DSCC1: variants seen among roughly 807,000 people sequenced by gnomAD.
DSCC1 encodes DNA replication and sister chromatid cohesion 1.
Under a neutral mutation model 48.2 loss-of-function variants are expected in DSCC1, and 32 were observed. The ratio of observed to expected loss-of-function variants is 0.66; its 90% CI spans 0.50 to 0.89. The LOEUF (loss-of-function observed/expected upper bound fraction) is 0.89. Ranked by LOEUF, DSCC1 falls within the 40% of genes least tolerant of loss-of-function variation. The probability of loss-of-function intolerance (pLI) is 0.00; values close to 1 mark genes in which losing one functional copy is unlikely to be tolerated. For synonymous variants in DSCC1, 150 were observed against 171.5 expected (o/e 0.87, Z 0.98); for missense variants, 421 against 471.7 (o/e 0.89, Z 1.00).
intron 8 of DSCC1, among the ~76,000 whole-genome samples, chr8:119,835,429 C>G (rs1340624977): frequency 6.6e-6 from 1 of 151,986 alleles, no homozygotes; most frequent in African/African-American, 2.4e-5. Context: ...ATTGCTTGAA[C>G]CCGGGAGGCA....
intron 2 of DSCC1, 148 bp downstream of exon 2, chr8:119,852,899 T>A (rs1826961101): frequency 4.7e-6 from 3 of 640,732 alleles, no homozygotes; most frequent in Non-Finnish European, 7.1e-6. Context: ...ATAATAATAA[T>A]AATGCTGAGA....
chr8:119,846,976 G>GT lies in DSCC1; in HGVS notation c.577+13dup, dbSNP rs1397145566. The GT allele has an allele frequency of 2.5e-6, 4 of 1,610,800 alleles. No individual in the cohort carries two copies. Among genetic ancestry groups the GT allele is most frequent in the Non-Finnish European group, 3.4e-6 (4 of 1,177,822 alleles). On this transcript the variant is annotated intron_variant, in intron 4 of 8. Transcript: ENST00000313655. ...CAATTTCATCATTGTTAAAATAGTA[G>GT]TAAGTAACGCTACCTCCAATCTTAC...
At chr8:119,846,345 G>A (rs1041828591) in intron 4 of DSCC1, among the ~76,000 whole-genome samples, 10 of 151,936 alleles carry the variant, frequency 6.6e-5, no homozygotes, top group Admixed American at 3.3e-4. Context: ...AACTCCTGAC[G>A]TCGTGATCGG....
intron 2 of DSCC1, 87 bp from the exon 3 acceptor site, chr8:119,850,603 A>G: frequency 8.2e-7 from 1 of 1,220,616 alleles, no homozygotes. Flanking sequence ...CTGCCCCCTC[A>G]ACAAGTACAA....
Position 119,834,861 on chromosome 8 carries a change from A to G in DSCC1, c.*32T>C. The G allele has an allele frequency of 7.0e-7, 1 of 1,429,130 alleles. No homozygotes were observed. The allele number at this position is 1,429,130 out of a possible 1,614,324, so 88.5% of individuals were successfully genotyped here. Reference sequence around the variant, plus strand: ...TTCTATCCAGCAACTTTATAAAGCAACTTGAGTCCTGAAGAAAAGACCGTT... The same window carrying G: ...TTCTATCCAGCAACTTTATAAAGCAGCTTGAGTCCTGAAGAAAAGACCGTT... On this transcript the variant is annotated 3_prime_UTR_variant, in exon 9 of 9. Coordinates refer to ENST00000313655, the MANE Select transcript of DSCC1 (RefSeq NM_024094.3).
chr8:119,835,076 TTCTC>T, intron 8 of DSCC1, 75 bp from the exon 9 acceptor site: 2 of 967,348 alleles, frequency 2.1e-6, no homozygotes, highest in Non-Finnish European at 3.1e-6. Flanking sequence ...TGTACTTATT[TTCTC>T]TCTCTCCCCC....
At chr8:119,846,932 T>G in intron 4 of DSCC1, 58 bp downstream of exon 4, 2 of 1,506,144 alleles carry the variant, frequency 1.3e-6, no homozygotes, top group Middle Eastern at 1.7e-4. Flanking sequence ...GTCCAAAAAC[T>G]TCTCTCCCTT....
chr8:119,843,763 G>A lies in DSCC1; in HGVS notation c.578-16C>T. 1.3e-6 allele frequency: 2 copies of A among 1,592,670 alleles called. No individual in the cohort carries two copies. Among genetic ancestry groups the A allele is most frequent in the Non-Finnish European group, 1.7e-6 (2 of 1,173,450 alleles). On this transcript the variant is annotated splice_polypyrimidine_tract_variant and intron_variant, in intron 4 of 8. Transcript: ENST00000313655. ...CTCCAATAACCTACAAATTTCAAAAGTTATATTTACCAAAGAACTTTTTTT... is the reference window on the plus strand; with the variant it reads ...CTCCAATAACCTACAAATTTCAAAAATTATATTTACCAAAGAACTTTTTTT...
chr8:119,849,160 G>T (rs1826906758), intron 3 of DSCC1, among the ~76,000 whole-genome samples: 1 of 137,936 alleles, frequency 7.2e-6, no homozygotes. Context: ...ACTCCAGCCT[G>T]GGCGACAGAG....
chr8:119,835,064 T>C (rs1222597463), intron 8 of DSCC1, 63 bp from the exon 9 acceptor site: 1 of 1,091,124 alleles, frequency 9.2e-7, no homozygotes, highest in Non-Finnish European at 1.3e-6. Context: ...GATACAGTAC[T>C]ATGTACTTAT....
intron 8 of DSCC1, among the ~76,000 whole-genome samples, chr8:119,835,656 T>C (rs992020612): frequency 2.0e-5 from 3 of 152,248 alleles, no homozygotes; most frequent in African/African-American, 7.2e-5. Context: ...AAGTCTATGC[T>C]ATTTCTATTA....
Position 119,842,757 on chromosome 8 carries a change from A to G in DSCC1, c.769+19T>C. The G allele has an allele frequency of 6.3e-7, 1 of 1,599,086 alleles. No homozygotes were observed. Among genetic ancestry groups the G allele is most frequent in the African/African-American group, 1.3e-5 (1 of 74,592 alleles). ...TTTTAACATATAAGAGTTAAATGAG[A>G]ATACTTTCCAAATCTTACCTTCATC... On this transcript the variant is annotated intron_variant, in intron 6 of 8. Coordinates refer to ENST00000313655, the MANE Select transcript of DSCC1 (RefSeq NM_024094.3).
intron 3 of DSCC1, among the ~76,000 whole-genome samples, chr8:119,849,184 CAAAAAAAA>C (rs550853227): frequency 2.0e-4 from 6 of 29,506 alleles, no homozygotes; most frequent in Non-Finnish European, 3.1e-4. Flanking sequence ...GACTCCCTCT[CAAAAAAAA>C]AAAAAAAAAA....
intron 1 of DSCC1, among the ~76,000 whole-genome samples, chr8:119,855,250 G>A (rs1826998831): frequency 6.6e-6 from 1 of 152,176 alleles, no homozygotes; most frequent in African/African-American, 2.4e-5. Flanking sequence ...TAAGTGGAAG[G>A]CAAGAGTTCT....
chr8:119,844,923 ACTCATG>A (rs1353440908), intron 4 of DSCC1, among the ~76,000 whole-genome samples: 59 of 152,122 alleles, frequency 3.9e-4, no homozygotes, highest in Non-Finnish European at 7.8e-4. Context: ...GCATTTCTAT[ACTCATG>A]AAGAAGTCCA....
At chr8:119,850,569 C>T in intron 2 of DSCC1, 53 bp from the exon 3 acceptor site, 1 of 1,458,718 alleles carries the variant, frequency 6.9e-7, no homozygotes, top group Non-Finnish European at 9.1e-7. Flanking sequence ...AGGAAAATTT[C>T]ATACAAAATT....
chr8:119,849,634 G>A (rs975478170), intron 3 of DSCC1, among the ~76,000 whole-genome samples: 1 of 152,178 alleles, frequency 6.6e-6, no homozygotes, highest in African/African-American at 2.4e-5. Context: ...AAAGGCTACA[G>A]GGTTTCTTTC....
chr8:119,855,590 G>A, intron 1 of DSCC1, 24 bp downstream of exon 1: 1 of 1,529,120 alleles, frequency 6.5e-7, no homozygotes, highest in Non-Finnish European at 8.8e-7. Context: ...CAGAGGCTGG[G>A]GGCGCCGCGT....
chr8:119,855,713 C>G lies in DSCC1; in HGVS notation c.83G>C (p.Cys28Ser). Reference sequence around the variant, plus strand: ...GCTGGCCCCAGGGCCGAAGCCCAGGCAGTGCACCGCCGGCAGCAGCTCGGC... The same window carrying G: ...GCTGGCCCCAGGGCCGAAGCCCAGGGAGTGCACCGCCGGCAGCAGCTCGGC... ...NAAELLPAVHCLGFGPGASGA... is the reference protein window; with the variant it reads ...NAAELLPAVHSLGFGPGASGA... Residue 28 changes from cysteine to serine, a missense_variant, in exon 1 of 9, where the codon TGC becomes TCC. Cys to Ser is a moderately radical substitution (Grantham distance 112, BLOSUM62 -1). Coordinates refer to ENST00000313655, the MANE Select transcript of DSCC1 (RefSeq NM_024094.3). 1 of 1,567,338 alleles carries G rather than the reference C, an allele frequency of 6.4e-7. No individual in the cohort carries two copies. The highest frequency in any genetic ancestry group is 8.6e-7 in the Non-Finnish European group (1 of 1,156,292).
Sources: gnomAD v4.1 joint callset for allele counts (sites outside exome capture counted in the v4.1 genomes callset) on GRCh38, gnomAD v4.1.1 for gene constraint, MANE v1.5 for transcripts, NCBI Gene and HGNC (gene_info 2026-07-23, HGNC 2026-07-21) for gene names.